Variants in CCDC91 observed in about 807,000 individuals in gnomAD.
CCDC91 encodes coiled-coil domain containing 91.
In CCDC91, 48 loss-of-function variants were observed where a neutral mutation model predicts 63.2. That is an observed-to-expected ratio of 0.76 (90% CI 0.60 to 0.97). CCDC91 has a LOEUF of 0.97. Among genes scored for constraint, CCDC91 ranks in the 50% least tolerant of loss-of-function variants. The pLI, the probability that CCDC91 is intolerant of heterozygous loss-of-function variation, is 0.00. For synonymous variants in CCDC91, 167 were observed against 165.8 expected (o/e 1.01, Z -0.06); for missense variants, 500 against 494.6 (o/e 1.01, Z -0.10).
intron 7 of CCDC91, among the ~76,000 whole-genome samples, chr12:28,364,458 T>G (rs1198470695): frequency 6.6e-6 from 1 of 152,208 alleles, no homozygotes; most frequent in African/African-American, 2.4e-5. Flanking sequence ...TATAATGTTT[T>G]TAATATTTTT....
intron 1 of CCDC91, among the ~76,000 whole-genome samples, chr12:28,246,008 C>A (rs891716494): frequency 6.6e-6 from 1 of 151,992 alleles, no homozygotes. Flanking sequence ...TGTAAACTAC[C>A]CAGATGTCTC....
At chr12:28,460,045 A>C (rs545159251) in intron 11 of CCDC91, among the ~76,000 whole-genome samples, 3 of 152,218 alleles carry the variant, frequency 2.0e-5, no homozygotes, top group Admixed American at 1.3e-4. Flanking sequence ...CCATGTTCCA[A>C]GGATGCATAC....
At chr12:28,491,804 AT>A (rs922605348) in intron 12 of CCDC91, among the ~76,000 whole-genome samples, 1 of 150,960 alleles carries the variant, frequency 6.6e-6, no homozygotes, top group Non-Finnish European at 1.5e-5. Context: ...CATGGAGGGA[AT>A]TTTTTTGGCT....
chr12:28,205,086 C>A (rs1942742242), intron 1 of CCDC91, among the ~76,000 whole-genome samples: 1 of 152,036 alleles, frequency 6.6e-6, no homozygotes, highest in African/African-American at 2.4e-5. Flanking sequence ...TAGTTAATGA[C>A]TCGGCTAGTC....
chr12:28,280,259 T>C (rs1421239421), intron 3 of CCDC91, among the ~76,000 whole-genome samples: 7 of 152,294 alleles, frequency 4.6e-5, no homozygotes, highest in African/African-American at 9.6e-5. Flanking sequence ...AATAAATCTT[T>C]TATGTTTTAT....
At chr12:28,527,623 TG>T (rs137912051) in intron 12 of CCDC91, among the ~76,000 whole-genome samples, 4 of 151,684 alleles carry the variant, frequency 2.6e-5, no homozygotes, top group East Asian at 1.9e-4. Flanking sequence ...TATGGGAGTA[TG>T]GGGGGGGAAC....
chr12:28,470,556 C>T (rs973137704), intron 11 of CCDC91, among the ~76,000 whole-genome samples: 2 of 152,072 alleles, frequency 1.3e-5, no homozygotes, highest in Admixed American at 6.6e-5. Context: ...AATAGAACTA[C>T]CATAGGATCC....
At chr12:28,289,577 TGAG>T (rs998831988) in intron 3 of CCDC91, among the ~76,000 whole-genome samples, 5 of 152,098 alleles carry the variant, frequency 3.3e-5, no homozygotes, top group African/African-American at 1.2e-4. Context: ...TTGCATTTGT[TGAG>T]GAGCATTTTA....
chr12:28,434,296 G>A (rs1350146086), intron 8 of CCDC91, among the ~76,000 whole-genome samples: 4 of 151,442 alleles, frequency 2.6e-5, no homozygotes, highest in Admixed American at 2.6e-4. Context: ...TTTATAGTTC[G>A]ATAATTTTTT....
intron 8 of CCDC91, among the ~76,000 whole-genome samples, chr12:28,391,978 A>G (rs912804643): frequency 1.9e-4 from 29 of 152,338 alleles, no homozygotes; most frequent in African/African-American, 5.0e-4. Context: ...AAAATTTGGA[A>G]TGTGAAAATT....
intron 1 of CCDC91, among the ~76,000 whole-genome samples, chr12:28,197,097 T>C (rs1299808322): frequency 6.6e-6 from 1 of 152,186 alleles, no homozygotes; most frequent in Admixed American, 6.5e-5. Flanking sequence ...TGATTATCAC[T>C]CAAAGTATAT....
intron 8 of CCDC91, among the ~76,000 whole-genome samples, chr12:28,439,780 T>A (rs1302921070): frequency 6.6e-6 from 1 of 150,554 alleles, no homozygotes; most frequent in Non-Finnish European, 1.5e-5. Context: ...ACAGAACCTC[T>A]ATATTTATAT....
intron 1 of CCDC91, among the ~76,000 whole-genome samples, chr12:28,224,408 T>C (rs1944143049): frequency 6.6e-6 from 1 of 152,216 alleles, no homozygotes; most frequent in Admixed American, 6.5e-5. Context: ...TAATTTCTTC[T>C]AGGCTTATAT....
intron 6 of CCDC91, among the ~76,000 whole-genome samples, chr12:28,339,050 A>G (rs1463862594): frequency 6.6e-6 from 1 of 152,128 alleles, no homozygotes; most frequent in African/African-American, 2.4e-5. Flanking sequence ...CATGTTGGCC[A>G]GGCTGGTCTG....
chr12:28,251,291 G>T (rs561975685), intron 1 of CCDC91, among the ~76,000 whole-genome samples: 1 of 151,962 alleles, frequency 6.6e-6, no homozygotes, highest in Non-Finnish European at 1.5e-5. Context: ...TTTAGAAGGG[G>T]AGGGGTGCAG....
chr12:28,407,873 T>TTTTCAA (rs1734898065), intron 8 of CCDC91, among the ~76,000 whole-genome samples: 1 of 151,680 alleles, frequency 6.6e-6, no homozygotes, highest in Non-Finnish European at 1.5e-5. Context: ...TAGTTTTTAG[T>TTTTCAA]TTTCAATTTC....
chr12:28,294,413 A>G (rs1453742593), intron 3 of CCDC91, among the ~76,000 whole-genome samples: 3 of 152,016 alleles, frequency 2.0e-5, no homozygotes, highest in East Asian at 1.9e-4. Context: ...TCTTGTGGTA[A>G]TGAGTTCTCA....
rs767470255 is a variant in CCDC91, at chr12:28,450,410, G to T, written c.916G>T (p.Ala306Ser). 1 of 1,610,188 alleles carries T rather than the reference G, an allele frequency of 6.2e-7. No individual in the cohort carries two copies. ...RQRNKEALVS[A>S]AKLEKEAVKD... ...AAGAAATAAAGAGGCATTAGTATCC[G>T]CTGCAAAGGTATTTCCATCTGTAAT... The change falls in exon 10 of 13, where the codon GCT becomes TCT. Residue 306 changes from alanine (A) to serine (S), a missense_variant. Coordinates refer to ENST00000536442, the MANE Select transcript of CCDC91 (RefSeq NM_018318.5).
chr12:28,454,150 ATC>A (rs1448842920), intron 11 of CCDC91, among the ~76,000 whole-genome samples: 20 of 152,292 alleles, frequency 1.3e-4, no homozygotes, highest in African/African-American at 4.8e-4. Flanking sequence ...TAAATTATAT[ATC>A]TCTGTATCAT....
Sources: allele counts gnomAD v4.1 joint callset (sites outside exome capture counted in the v4.1 genomes callset), GRCh38; gene constraint gnomAD v4.1.1; transcripts MANE v1.5; gene names NCBI Gene and HGNC (gene_info 2026-07-23, HGNC 2026-07-21).